Variants in XKR4 observed in about 807,000 individuals in gnomAD.
XKR4 encodes XK-related protein 4.
In XKR4, 12 loss-of-function variants were observed where a neutral mutation model predicts 53.9. That is an observed-to-expected ratio of 0.22 (90% CI 0.14 to 0.36). The LOEUF is 0.36. Among genes scored for constraint, XKR4 ranks in the 10% least tolerant of loss-of-function variants. XKR4 has a pLI of 1.00. For missense variants in XKR4, 799 were observed against 859.5 expected, an observed-to-expected ratio of 0.93 and a Z score of 0.88; for synonymous variants, 354 against 362.4, an observed-to-expected ratio of 0.98 and a Z score of 0.26.
At chr8:55,151,632 A>C (rs1026303826) in intron 1 of XKR4, among the ~76,000 whole-genome samples, 21 of 152,302 alleles carry the variant, frequency 1.4e-4, no homozygotes, top group African/African-American at 3.6e-4. Context: ...TTTCTTGTAA[A>C]CACTGAAAAA....
At chr8:55,251,076 G>A (rs1818355297) in intron 1 of XKR4, among the ~76,000 whole-genome samples, 1 of 152,210 alleles carries the variant, frequency 6.6e-6, no homozygotes, top group Non-Finnish European at 1.5e-5. Flanking sequence ...TATATGTGTG[G>A]TATAGGTATA....
At chr8:55,141,391 G>A (rs1384207128) in intron 1 of XKR4, among the ~76,000 whole-genome samples, 1 of 152,050 alleles carries the variant, frequency 6.6e-6, no homozygotes, top group Non-Finnish European at 1.5e-5. Flanking sequence ...CCACAGTGGG[G>A]AGGTCGGATT....
intron 2 of XKR4, among the ~76,000 whole-genome samples, chr8:55,514,779 T>C (rs1394919968): frequency 6.6e-6 from 1 of 152,186 alleles, no homozygotes; most frequent in Non-Finnish European, 1.5e-5. Flanking sequence ...AGGTTACTTA[T>C]TGTATCATCA....
intron 1 of XKR4, among the ~76,000 whole-genome samples, chr8:55,227,136 G>A (rs1817963782): frequency 6.6e-6 from 1 of 152,212 alleles, no homozygotes; most frequent in African/African-American, 2.4e-5. Context: ...GTGGCGTTTA[G>A]CACATGCCAT....
intron 1 of XKR4, among the ~76,000 whole-genome samples, chr8:55,340,985 T>TG (rs1803536399): frequency 6.6e-6 from 1 of 152,066 alleles, no homozygotes; most frequent in Non-Finnish European, 1.5e-5. Context: ...GTGGGAAAAT[T>TG]AGGAACCATT....
At chr8:55,354,101 C>T (rs1443235606) in intron 1 of XKR4, among the ~76,000 whole-genome samples, 1 of 152,108 alleles carries the variant, frequency 6.6e-6, no homozygotes, top group Non-Finnish European at 1.5e-5. Flanking sequence ...CCCATAATTA[C>T]CTAGAGACAA....
intron 1 of XKR4, among the ~76,000 whole-genome samples, chr8:55,313,269 A>T (rs1819413096): frequency 6.6e-6 from 1 of 152,220 alleles, no homozygotes; most frequent in Non-Finnish European, 1.5e-5. Context: ...TTAGGGTAGG[A>T]TAAACAGTAA....
chr8:55,354,467 A>G (rs1451254101), intron 1 of XKR4, among the ~76,000 whole-genome samples: 1 of 152,190 alleles, frequency 6.6e-6, no homozygotes, highest in Non-Finnish European at 1.5e-5. Flanking sequence ...GTCCAAATAA[A>G]AGGGGGGAGG....
intron 1 of XKR4, among the ~76,000 whole-genome samples, chr8:55,348,911 G>A (rs1300674150): frequency 6.6e-6 from 1 of 152,122 alleles, no homozygotes. Flanking sequence ...TAGACAGAGA[G>A]AAAGAGATGA....
chr8:55,475,285 G>T (rs1242690253), intron 2 of XKR4, among the ~76,000 whole-genome samples: 1 of 152,078 alleles, frequency 6.6e-6, no homozygotes, highest in Non-Finnish European at 1.5e-5. Flanking sequence ...CAGGGTTGTG[G>T]GCAGGTGAGC....
intron 1 of XKR4, among the ~76,000 whole-genome samples, chr8:55,133,064 G>A (rs1585895631): frequency 6.6e-6 from 1 of 152,324 alleles, no homozygotes; most frequent in Admixed American, 6.5e-5. Flanking sequence ...GTGGAGATGA[G>A]AGGAAAGAGA....
intron 1 of XKR4, among the ~76,000 whole-genome samples, chr8:55,337,259 G>A (rs1196254531): frequency 6.6e-6 from 1 of 152,088 alleles, no homozygotes. Flanking sequence ...ATATCAACAT[G>A]GGGGTTTCTG....
intron 1 of XKR4, among the ~76,000 whole-genome samples, chr8:55,212,560 T>C (rs1223276909): frequency 6.6e-6 from 1 of 152,196 alleles, no homozygotes; most frequent in Admixed American, 6.5e-5. Context: ...ATTCCCATCA[T>C]GGCCTAAACT....
In XKR4 at chr8:55,518,061, G is replaced by C. The variant is rs73595347; in HGVS notation, c.1007-5220G>C. On this transcript the variant is annotated intron_variant, in intron 2 of 2. Coordinates refer to ENST00000327381, the MANE Select transcript of XKR4 (RefSeq NM_052898.2). Reference sequence around the variant, plus strand: ...TCCTTAGAGAGAAAGAAAAAGACAGGCTCATTCTCTTCGTGGAAGAATCAA... The same window carrying C: ...TCCTTAGAGAGAAAGAAAAAGACAGCCTCATTCTCTTCGTGGAAGAATCAA... 1.5e-3 allele frequency among the ~76,000 whole-genome samples: 232 copies of C among 152,274 alleles called. 2 individuals are homozygous for C. Among genetic ancestry groups the C allele is most frequent in the African/African-American group, 5.2e-3 (217 of 41,544 alleles).
intron 1 of XKR4, among the ~76,000 whole-genome samples, chr8:55,208,461 G>A (rs1315045715): frequency 6.6e-6 from 1 of 151,860 alleles, no homozygotes; most frequent in Non-Finnish European, 1.5e-5. Context: ...CATTGTTATA[G>A]TTTGTTTTCT....
At chr8:55,128,043 G>A (rs1340495051) in intron 1 of XKR4, among the ~76,000 whole-genome samples, 4 of 152,088 alleles carry the variant, frequency 2.6e-5, no homozygotes, top group Non-Finnish European at 4.4e-5. Flanking sequence ...ATACACATAC[G>A]TGTGCATGTG....
intron 1 of XKR4, among the ~76,000 whole-genome samples, chr8:55,151,151 CCAGA>C (rs1433304493): frequency 2.0e-5 from 3 of 152,168 alleles, no homozygotes; most frequent in Non-Finnish European, 2.9e-5. Context: ...CAAATCATCT[CCAGA>C]CAGTTAAGGC....
chr8:55,405,541 T>G (rs988198655), intron 2 of XKR4, among the ~76,000 whole-genome samples: 2 of 152,122 alleles, frequency 1.3e-5, no homozygotes, highest in African/African-American at 4.8e-5. Context: ...GAGAACAACA[T>G]TAAAACTTGT....
chr8:55,433,593 A>G (rs1193785176), intron 2 of XKR4, among the ~76,000 whole-genome samples: 2 of 152,394 alleles, frequency 1.3e-5, no homozygotes, highest in African/African-American at 4.8e-5. Context: ...TCACCTCTTC[A>G]AAGGGAAAAA....
Sources: allele counts gnomAD v4.1 joint callset (sites outside exome capture counted in the v4.1 genomes callset), GRCh38; gene constraint gnomAD v4.1.1; transcripts MANE v1.5; gene names NCBI Gene and HGNC (gene_info 2026-07-23, HGNC 2026-07-21).